Variants in CSTF3 observed in about 807,000 individuals in gnomAD.
CSTF3 encodes the protein cleavage stimulation factor subunit 3.
A neutral mutation model predicts 105.8 loss-of-function variants in CSTF3; 29 were observed. The ratio of observed to expected loss-of-function variants is 0.27; its 90% CI spans 0.20 to 0.37. The LOEUF (loss-of-function observed/expected upper bound fraction) is 0.37, where lower values mean the gene tolerates loss of function less well. Ranked by LOEUF, CSTF3 falls within the 10% of genes least tolerant of loss-of-function variation. The pLI is 1.00. For synonymous variants in CSTF3, 252 were observed against 281.9 expected (o/e 0.89, Z 1.06); for missense variants, 357 against 879.3 (o/e 0.41, Z 7.51).
rs542847234 is a variant in CSTF3, at chr11:33,099,601, C to T, written c.936+7G>A. 70 of 1,556,204 alleles carry T rather than the reference C, an allele frequency of 4.5e-5. No individual in the cohort carries two copies. Among genetic ancestry groups the T allele is most frequent in the Non-Finnish European group, 5.9e-5 (67 of 1,136,388 alleles). On this transcript the variant is annotated splice_region_variant and intron_variant, in intron 11 of 20. Coordinates refer to ENST00000323959, the MANE Select transcript of CSTF3 (RefSeq NM_001326.3). The surrounding 1 kb of genome is among the most constrained non-coding windows in gnomAD (Gnocchi z 4.1). ...TATCAAAGTGGGGATAGGGAAGGAA[C>T]ACTTACTCCCTTTTCTGCGAGCAGT...
intron 5 of CSTF3, 56 bp from the exon 6 acceptor site, chr11:33,106,120 T>A: frequency 7.4e-7 from 1 of 1,360,220 alleles, no homozygotes; most frequent in Non-Finnish European, 1.0e-6. Flanking sequence ...AAAATTTATC[T>A]ACAATTAGGC....
At chr11:33,118,100 AAG>A (rs1855450526) in intron 3 of CSTF3, among the ~76,000 whole-genome samples, 1 of 150,150 alleles carries the variant, frequency 6.7e-6, no homozygotes. Flanking sequence ...TTTTTTTAAT[AAG>A]AGAAAGAAAA....
At position 33,124,170 on chromosome 11, in the gene CSTF3, T is replaced by C. The variant is rs1053081515; in HGVS notation, c.226-15752A>G. ...GGATTACCTTTGCAGCCTCTAAACA[T>C]AGTATAATTTAAGCATTTAAAAAAG... is the stretch of plus-strand genomic sequence containing the variant. On this transcript the variant is annotated intron_variant, in intron 3 of 20. Transcript: ENST00000323959. Among the ~76,000 whole-genome samples, 14 of 152,152 alleles carry C rather than the reference T, an allele frequency of 9.2e-5. No homozygotes were observed. The East Asian group carries it at 2.5e-3, about 27-fold the overall frequency.
chr11:33,107,183 G>T (rs58883629), intron 5 of CSTF3, among the ~76,000 whole-genome samples: 18,785 of 151,980 alleles, frequency 0.12, 2,943 homozygotes, highest in African/African-American at 0.37. Flanking sequence ...CAGGTGTGGT[G>T]GCTCTTGCCT....
chr11:33,127,860 T>C (rs1004917122), intron 3 of CSTF3, among the ~76,000 whole-genome samples: 2 of 152,214 alleles, frequency 1.3e-5, no homozygotes. Flanking sequence ...ATCAGTAAAA[T>C]AAGTAGTATC....
At chr11:33,118,350 T>A (rs1346695545) in intron 3 of CSTF3, among the ~76,000 whole-genome samples, 1 of 151,930 alleles carries the variant, frequency 6.6e-6, no homozygotes, top group Non-Finnish European at 1.5e-5. Flanking sequence ...ATATAGGGCA[T>A]CTATCAACAA....
chr11:33,107,519 C>A (rs1346704468), intron 5 of CSTF3, among the ~76,000 whole-genome samples: 47 of 152,086 alleles, frequency 3.1e-4, no homozygotes, highest in Admixed American at 3.1e-3. Context: ...TGTCAGAGAT[C>A]CCTTATATCA....
intron 13 of CSTF3, 28 bp from the exon 14 acceptor site, chr11:33,097,006 A>G (rs754456427): frequency 1.3e-6 from 2 of 1,545,908 alleles, no homozygotes; most frequent in East Asian, 4.6e-5. Context: ...TTTGTGTTCT[A>G]TAAATTAGAC....
chr11:33,091,508 T>C (rs1488415775), intron 16 of CSTF3, among the ~76,000 whole-genome samples: 1 of 152,198 alleles, frequency 6.6e-6, no homozygotes, highest in Non-Finnish European at 1.5e-5. Context: ...AGCCTTACTA[T>C]AATATTTCCG....
chr11:33,142,960 G>A (rs1475808568), intron 1 of CSTF3, among the ~76,000 whole-genome samples: 3 of 152,166 alleles, frequency 2.0e-5, no homozygotes, highest in Admixed American at 6.5e-5. Flanking sequence ...GATTTATTAT[G>A]AGAGAGGTTG....
At chr11:33,141,419 A>T in intron 3 of CSTF3, 35 of 1,235,358 alleles carry the variant, frequency 2.8e-5, no homozygotes, top group Non-Finnish European at 3.4e-5. Flanking sequence ...ATAAAAGGCT[A>T]AAGCACTCCA....
At chr11:33,154,884 A>C (rs1196395402) in intron 1 of CSTF3, among the ~76,000 whole-genome samples, 2 of 152,128 alleles carry the variant, frequency 1.3e-5, no homozygotes, top group Non-Finnish European at 2.9e-5. Context: ...TCACAATGAG[A>C]CCGGATATTA....
intron 10 of CSTF3, among the ~76,000 whole-genome samples, chr11:33,101,659 T>C (rs1006712412): frequency 6.6e-6 from 1 of 152,228 alleles, no homozygotes; most frequent in Non-Finnish European, 1.5e-5. Context: ...CTTTACAATG[T>C]TTCATTTGTA....
chr11:33,118,475 TG>T (rs1855455922), intron 3 of CSTF3, among the ~76,000 whole-genome samples: 1 of 151,836 alleles, frequency 6.6e-6, no homozygotes. Flanking sequence ...TCTGTAATTT[TG>T]GGGTAAGAAA....
rs1564999772 is a variant in CSTF3, at chr11:33,085,011, C to T, written c.*76G>A. On this transcript the variant is annotated 3_prime_UTR_variant, in exon 21 of 21. Coordinates refer to ENST00000323959, the MANE Select transcript of CSTF3 (RefSeq NM_001326.3). ...TGTTTCCAAGAACCTTGTAACAAAG[C>T]GTTGTCTCTTTTAAACATACCACTT... 3 of 1,470,116 alleles carry T rather than the reference C, an allele frequency of 2.0e-6. No individual in the cohort carries two copies. Among genetic ancestry groups the T allele is most frequent in the Admixed American group, 1.7e-5 (1 of 58,570 alleles). 91.1% of individuals were successfully genotyped at this position (1,470,116 alleles called of 1,614,324 possible). A position where few individuals can be genotyped will look rare whatever the true frequency, so the allele number is the denominator to read the frequency against.
intron 1 of CSTF3, among the ~76,000 whole-genome samples, chr11:33,149,650 G>A (rs1030746813): frequency 3.3e-5 from 5 of 152,168 alleles, no homozygotes; most frequent in African/African-American, 1.2e-4. Context: ...TTGGAAGGCC[G>A]AGACGGGCAG....
At chr11:33,110,385 G>T (rs1855367950) in intron 3 of CSTF3, among the ~76,000 whole-genome samples, 1 of 152,186 alleles carries the variant, frequency 6.6e-6, no homozygotes. Context: ...CATTTGAGGG[G>T]TTCCAAATTT....
At chr11:33,124,967 CTA>C (rs1274843736) in intron 3 of CSTF3, among the ~76,000 whole-genome samples, 1 of 152,084 alleles carries the variant, frequency 6.6e-6, no homozygotes, top group East Asian at 1.9e-4. Flanking sequence ...CTTTAGTTTT[CTA>C]TAGTTTCATC....
intron 1 of CSTF3, among the ~76,000 whole-genome samples, 159 bp from the exon 2 acceptor site, chr11:33,142,145 A>G (rs902137662): frequency 2.6e-5 from 4 of 152,186 alleles, no homozygotes; most frequent in Admixed American, 1.3e-4. Context: ...ACCGATGTGT[A>G]CAATCGTCCT....
Sources: gnomAD v4.1 joint callset for allele counts (sites outside exome capture counted in the v4.1 genomes callset) on GRCh38, gnomAD v4.1.1 for gene constraint, Gnocchi (gnomAD v3.1) non-coding constraint, MANE v1.5 for transcripts, NCBI Gene and HGNC (gene_info 2026-07-23, HGNC 2026-07-21) for gene names.